Variants in FARP2 observed in about 807,000 individuals in gnomAD.
FARP2 encodes FERM, ARHGEF and pleckstrin domain-containing protein 2.
A neutral mutation model predicts 130.5 loss-of-function variants in FARP2; 111 were observed. The ratio of observed to expected loss-of-function variants is 0.85; its 90% CI spans 0.73 to 1.00. The LOEUF (loss-of-function observed/expected upper bound fraction) is 1.00. Among genes scored for constraint, FARP2 ranks in the 50% least tolerant of loss-of-function variants. The probability of loss-of-function intolerance (pLI) is 0.00; values close to 1 mark genes in which losing one functional copy is unlikely to be tolerated. For synonymous variants in FARP2, 504 were observed against 516.9 expected, an observed-to-expected ratio of 0.98 and a Z score of 0.34; for missense variants, 1,385 against 1,346.3, an observed-to-expected ratio of 1.03 and a Z score of -0.45.
chr2:241,466,157 C>T (rs1302753232), intron 17 of FARP2: 1 of 1,066,446 alleles, frequency 9.4e-7, no homozygotes, highest in Non-Finnish European at 1.1e-6. Flanking sequence ...GAGGCCAAGA[C>T]CCCAGGTTGG....
At chr2:241,453,590 C>G (rs2063743224) in intron 13 of FARP2, among the ~76,000 whole-genome samples, 1 of 151,362 alleles carries the variant, frequency 6.6e-6, no homozygotes, top group Admixed American at 6.6e-5. Flanking sequence ...TCACTGCACT[C>G]CAGCCTGGGT....
chr2:241,494,094 T>C lies in FARP2; in HGVS notation c.3134T>C (p.Leu1045Pro). Residue 1045 changes from leucine to proline, a missense_variant, in exon 27 of 27, where the codon CTG becomes CCG. Transcript: ENST00000264042. The surrounding 1 kb of genome is among the most constrained non-coding windows in gnomAD (Gnocchi z 4.9). ...VQDGPQPSSGLEGMVRGKEE is the reference protein window; with the variant it reads ...VQDGPQPSSGPEGMVRGKEE ...GATGGCCCCCAACCCTCCTCAGGGC[T>C]GGAGGGGATGGTCAGGGGGAAGGAG... The C allele has an allele frequency of 6.8e-7, 1 of 1,470,982 alleles. No individual in the cohort carries two copies. Among genetic ancestry groups the C allele is most frequent in the Non-Finnish European group, 8.9e-7 (1 of 1,118,936 alleles). 91.1% of individuals were successfully genotyped at this position (1,470,982 alleles called of 1,614,324 possible). A position where few individuals can be genotyped will look rare whatever the true frequency, so the allele number is the denominator to read the frequency against.
At chr2:241,490,587 C>T (rs1032305538) in intron 22 of FARP2, among the ~76,000 whole-genome samples, 10 of 152,188 alleles carry the variant, frequency 6.6e-5, no homozygotes, top group Admixed American at 1.3e-4. Flanking sequence ...GCTCATTTGG[C>T]GGCCAGGATG....
chr2:241,450,612 G>A (rs1239013073), intron 13 of FARP2, among the ~76,000 whole-genome samples: 1 of 151,864 alleles, frequency 6.6e-6, no homozygotes, highest in Non-Finnish European at 1.5e-5. Flanking sequence ...GCTGCAGTGA[G>A]CTGAGATTGA....
chr2:241,360,572 G>A (rs1387007593), intron 1 of FARP2, among the ~76,000 whole-genome samples: 1 of 151,842 alleles, frequency 6.6e-6, no homozygotes, highest in African/African-American at 2.4e-5. Flanking sequence ...TTCTCAGGAG[G>A]CTGAGGCAGG....
In FARP2 at chr2:241,413,378, C is replaced by T; in HGVS notation, c.580C>T (p.Gln194Ter). ...AGTGAACGAGTATTTGCCTGGCCAG[C>T]AGCACTGCCTTGAGAAGATACTAGA... The part of the protein sequence containing the change: ...LKVNEYLPGQ[Q>*]HCLEKILEFH... The change falls in exon 7 of 27, where the codon CAG becomes TAG. Residue 194 changes from glutamine (Q) to a stop codon, truncating the protein, a stop_gained. Transcript: ENST00000264042. LOFTEE classifies it high-confidence loss of function. The T allele has an allele frequency of 1.2e-6, 2 of 1,612,336 alleles. No individual in the cohort carries two copies. Among genetic ancestry groups the T allele is most frequent in the Non-Finnish European group, 1.7e-6 (2 of 1,179,418 alleles).
rs1303577944 is a variant in FARP2, at chr2:241,447,767, C to T, written c.1411+6211C>T. 3.3e-5 allele frequency among the ~76,000 whole-genome samples: 5 copies of T among 152,190 alleles called. No homozygotes were observed. In the East Asian group the frequency reaches 9.7e-4, roughly 29 times the overall value. Reference sequence around the variant, plus strand: ...CCGTGGAATGTCCATGCCTCTCTAGCCCCACACACGCCTGCGGGGGTGGGG... The same window carrying T: ...CCGTGGAATGTCCATGCCTCTCTAGTCCCACACACGCCTGCGGGGGTGGGG... On this transcript the variant is annotated intron_variant, in intron 13 of 26. Coordinates refer to ENST00000264042, the MANE Select transcript of FARP2 (RefSeq NM_014808.4).
At chr2:241,418,744 C>T (rs549684342) in intron 8 of FARP2, among the ~76,000 whole-genome samples, 1 of 152,252 alleles carries the variant, frequency 6.6e-6, no homozygotes, top group Non-Finnish European at 1.5e-5. Flanking sequence ...TTGTGATGTC[C>T]AAGAAGCTTA....
chr2:241,439,494 T>A (rs1329175126), intron 12 of FARP2, among the ~76,000 whole-genome samples: 2 of 152,146 alleles, frequency 1.3e-5, no homozygotes, highest in Non-Finnish European at 2.9e-5. Flanking sequence ...AATGCCTGGC[T>A]GATTTTTTGT....
chr2:241,492,849 T>A (rs1319701683), intron 24 of FARP2, 80 bp from the exon 25 acceptor site: 16 of 789,466 alleles, frequency 2.0e-5, no homozygotes, highest in Non-Finnish European at 3.4e-5. Context: ...ATGCAGAGGC[T>A]TAGTCTTGGG....
At chr2:241,417,569 C>T (rs1269765279) in intron 7 of FARP2, among the ~76,000 whole-genome samples, 1 of 152,142 alleles carries the variant, frequency 6.6e-6, no homozygotes, top group Non-Finnish European at 1.5e-5. Context: ...GTGATCCACC[C>T]GCCTCTGCCT....
Position 241,441,462 on chromosome 2 carries a change from T to C in FARP2, c.1317T>C (p.Ser439=), listed in dbSNP as rs769752371. The C allele has an allele frequency of 6.2e-7, 1 of 1,613,802 alleles. No homozygotes were observed. The change falls in exon 13 of 27, where the codon AGT becomes AGC. Residue 439 remains serine (S), a synonymous_variant. Coordinates refer to ENST00000264042, the MANE Select transcript of FARP2 (RefSeq NM_014808.4). ...LTDPQVSYVK[S]PAAERRSGAV... is the part of the protein sequence containing the mutation. ...ATCCCCAGGTTTCCTACGTCAAGAG[T>C]CCAGCTGCAGAGAGGCGCAGTGGAG... is the stretch of plus-strand genomic sequence containing the variant.
chr2:241,404,704 TTTATC>T (rs2062285075), intron 3 of FARP2, 90 bp from the exon 4 acceptor site: 2 of 943,162 alleles, frequency 2.1e-6, no homozygotes, highest in African/African-American at 1.7e-5. Context: ...GACATAAAAA[TTTATC>T]TTATTATAAC....
chr2:241,359,158 T>C (rs1247150833), intron 1 of FARP2, among the ~76,000 whole-genome samples: 1 of 152,208 alleles, frequency 6.6e-6, no homozygotes, highest in African/African-American at 2.4e-5. Flanking sequence ...TAAAAATACA[T>C]GAGGAGGTGA....
chr2:241,402,793 A>T (rs1282161843), intron 2 of FARP2, among the ~76,000 whole-genome samples: 4 of 122,736 alleles, frequency 3.3e-5, no homozygotes, highest in Non-Finnish European at 4.9e-5. Context: ...CAGCCTCCTG[A>T]GTTAGCTGGG....
chr2:241,493,638 A>G, intron 26 of FARP2, 194 bp downstream of exon 26: 1 of 590,586 alleles, frequency 1.7e-6, no homozygotes, highest in East Asian at 2.8e-5. Context: ...TCTGTCACTC[A>G]GGCTGGAGTG....
At chr2:241,389,768 T>C (rs2061865686) in intron 2 of FARP2, among the ~76,000 whole-genome samples, 1 of 152,232 alleles carries the variant, frequency 6.6e-6, no homozygotes, top group Admixed American at 6.5e-5. Flanking sequence ...CTTTTTTATC[T>C]TGAATACCTT....
intron 5 of FARP2, among the ~76,000 whole-genome samples, chr2:241,409,652 G>A (rs2062464359): frequency 6.6e-6 from 1 of 152,174 alleles, no homozygotes; most frequent in African/African-American, 2.4e-5. Flanking sequence ...AAGCATAGAT[G>A]TGCAATAAAC....
chr2:241,444,733 CT>C (rs1329043410), intron 13 of FARP2: 1 of 152,122 alleles, frequency 6.6e-6, no homozygotes, highest in African/African-American at 2.4e-5. Context: ...ATAGATCTTG[CT>C]GTTTTTGGTT....
Sources: allele counts gnomAD v4.1 joint callset (sites outside exome capture counted in the v4.1 genomes callset), GRCh38; gene constraint gnomAD v4.1.1; non-coding constraint Gnocchi (gnomAD v3.1); transcripts MANE v1.5; gene names NCBI Gene and HGNC (gene_info 2026-07-23, HGNC 2026-07-21).